PALM2AKAP2: variants seen among roughly 807,000 people sequenced by gnomAD.
The protein encoded by PALM2AKAP2 is PALM2 and AKAP2 fusion, also known as PALM2-AKAP2 fusion protein.
In PALM2AKAP2, 37 loss-of-function variants were observed where a neutral mutation model predicts 71.5. The observed-to-expected ratio is 0.52, with a 90% CI of 0.40 to 0.68. PALM2AKAP2 has a LOEUF of 0.68. Ranked by LOEUF, PALM2AKAP2 falls within the 30% of genes least tolerant of loss-of-function variation. The pLI, the probability that PALM2AKAP2 is intolerant of heterozygous loss-of-function variation, is 0.00. For synonymous variants in PALM2AKAP2, 468 were observed against 478.8 expected (o/e 0.98, Z 0.29); for missense variants, 1,224 against 1,191.8 (o/e 1.03, Z -0.40).
intron 6 of PALM2AKAP2, among the ~76,000 whole-genome samples, chr9:109,939,197 T>C (rs1349926501): frequency 6.6e-6 from 1 of 152,184 alleles, no homozygotes; most frequent in Non-Finnish European, 1.5e-5. Flanking sequence ...GTTTTTACTC[T>C]CTTTCCCACT....
intron 1 of PALM2AKAP2, among the ~76,000 whole-genome samples, chr9:110,050,795 T>A (rs1455300592): frequency 2.0e-5 from 3 of 151,782 alleles, no homozygotes; most frequent in Admixed American, 2.0e-4. Context: ...ACCCGGCTAA[T>A]TTTTATATTT....
chr9:109,750,561 T>A (rs1828871653), intron 1 of PALM2AKAP2, among the ~76,000 whole-genome samples: 1 of 126,298 alleles, frequency 7.9e-6, no homozygotes, highest in African/African-American at 3.1e-5. Flanking sequence ...CTCAGAGCTC[T>A]GCCCTAGGAC....
chr9:109,926,497 C>T (rs373225970), intron 5 of PALM2AKAP2, among the ~76,000 whole-genome samples: 156 of 152,034 alleles, frequency 1.0e-3, no homozygotes, highest in African/African-American at 3.7e-3. Flanking sequence ...GGGTGGGGCA[C>T]GGATTGAGGA....
chr9:109,746,067 T>G (rs1828795719), intron 1 of PALM2AKAP2, among the ~76,000 whole-genome samples: 1 of 152,032 alleles, frequency 6.6e-6, no homozygotes, highest in Non-Finnish European at 1.5e-5. Flanking sequence ...CCCAGGAGGG[T>G]TCACAGCCCG....
chr9:110,147,509 A>G (rs1260927485), intron 2 of PALM2AKAP2, among the ~76,000 whole-genome samples: 1 of 152,168 alleles, frequency 6.6e-6, no homozygotes, highest in African/African-American at 2.4e-5. Flanking sequence ...CAACATTACA[A>G]CATTACAGTT....
intron 1 of PALM2AKAP2, among the ~76,000 whole-genome samples, chr9:109,837,918 A>G (rs1056472685): frequency 1.1e-4 from 16 of 152,210 alleles, no homozygotes; most frequent in Non-Finnish European, 1.8e-4. Context: ...AGACTCCCAC[A>G]CAATAATAAT....
At chr9:110,006,324 C>CTCTTTCTTTTTTCTTTCTTTCTT (rs1554736918) in intron 6 of PALM2AKAP2, among the ~76,000 whole-genome samples, 7 of 102,102 alleles carry the variant, frequency 6.9e-5, no homozygotes, top group African/African-American at 2.7e-4. Flanking sequence ...TTCCTTCCTT[C>CTCTTTCTTTTTTCTTTCTTTCTT]TCTTTCTTTC....
At chr9:110,143,081 AGT>A (rs1211380782) in intron 2 of PALM2AKAP2, among the ~76,000 whole-genome samples, 1 of 113,944 alleles carries the variant, frequency 8.8e-6, no homozygotes, top group Non-Finnish European at 2.0e-5. Flanking sequence ...TGCTCCCAAT[AGT>A]GTGTGCATGT....
intron 6 of PALM2AKAP2, among the ~76,000 whole-genome samples, chr9:109,964,997 T>C (rs999300789): frequency 6.6e-6 from 1 of 152,200 alleles, no homozygotes; most frequent in Admixed American, 6.5e-5. Context: ...ACCATCAACA[T>C]TGACAGAGAT....
chr9:110,128,918 G>C (rs966957062), intron 1 of PALM2AKAP2, among the ~76,000 whole-genome samples: 1 of 152,254 alleles, frequency 6.6e-6, no homozygotes, highest in Non-Finnish European at 1.5e-5. Context: ...ATGCCCAGTG[G>C]GGCAGGGATC....
intron 1 of PALM2AKAP2, among the ~76,000 whole-genome samples, chr9:109,676,119 C>G (rs10979994): frequency 3.9e-5 from 6 of 152,198 alleles, no homozygotes; most frequent in African/African-American, 1.4e-4. Flanking sequence ...TAACCATGCT[C>G]TGCTTCAGGA....
chr9:109,867,958 C>A (rs1190002456), intron 2 of PALM2AKAP2, among the ~76,000 whole-genome samples: 1 of 152,074 alleles, frequency 6.6e-6, no homozygotes, highest in African/African-American at 2.4e-5. Flanking sequence ...TTTCACGGAA[C>A]GTTCTTTTTA....
Position 110,060,870 on chromosome 9 carries a change from G to A in PALM2AKAP2, c.156+12015G>A, listed in dbSNP as rs1833951696. ...CCGCCTCAGCCTCCCAAAGTGCTGG[G>A]ATTACAGCAGGAGTTTTTACTCTAA... On this transcript the variant is annotated intron_variant, in intron 1 of 3. Transcript: ENST00000374525. Among the ~76,000 whole-genome samples, 3 of 152,306 alleles carry A rather than the reference G, an allele frequency of 2.0e-5. No homozygotes were observed. The South Asian group carries it at 6.2e-4, about 32-fold the overall frequency.
intron 1 of PALM2AKAP2, among the ~76,000 whole-genome samples, chr9:110,100,063 A>G (rs946750188): frequency 7.0e-6 from 1 of 142,536 alleles, no homozygotes. Context: ...ATATATATAT[A>G]TATATATATA....
chr9:109,764,447 G>A (rs1410199), intron 1 of PALM2AKAP2, among the ~76,000 whole-genome samples: 80 of 152,148 alleles, frequency 5.3e-4, no homozygotes, highest in African/African-American at 1.9e-3. Flanking sequence ...CCCCCATTGA[G>A]AGCCTATGCA....
At chr9:109,973,381 C>A (rs755042452) in intron 6 of PALM2AKAP2, among the ~76,000 whole-genome samples, 4 of 152,206 alleles carry the variant, frequency 2.6e-5, no homozygotes, top group Admixed American at 6.5e-5. Flanking sequence ...TTCTAGGTGT[C>A]TTCATTCCTG....
chr9:110,144,434 A>G (rs1370297646), intron 2 of PALM2AKAP2, among the ~76,000 whole-genome samples: 2 of 152,262 alleles, frequency 1.3e-5, no homozygotes, highest in Non-Finnish European at 2.9e-5. Context: ...TTAAAGCTGC[A>G]TATAATACTA....
intron 1 of PALM2AKAP2, among the ~76,000 whole-genome samples, chr9:109,691,891 TATATATATATAC>T (rs1564114943): frequency 7.2e-5 from 5 of 69,360 alleles, no homozygotes; most frequent in African/African-American, 1.7e-4. Context: ...CATATATATA[TATATATATATAC>T]ACACACACAT....
chr9:110,098,776 G>A (rs748335650), intron 1 of PALM2AKAP2, among the ~76,000 whole-genome samples: 2 of 152,154 alleles, frequency 1.3e-5, no homozygotes, highest in Non-Finnish European at 2.9e-5. Context: ...CGTGACCTAA[G>A]GACCTTGGCA....
Sources: allele counts gnomAD v4.1 joint callset (sites outside exome capture counted in the v4.1 genomes callset), GRCh38; gene constraint gnomAD v4.1.1; transcripts MANE v1.5; gene names NCBI Gene and HGNC (gene_info 2026-07-23, HGNC 2026-07-21).